PDE4D: variants seen among roughly 807,000 people sequenced by gnomAD.
The protein encoded by PDE4D is 3',5'-cyclic-AMP phosphodiesterase 4D.
A neutral mutation model predicts 87.4 loss-of-function variants in PDE4D; 24 were observed. The ratio of observed to expected loss-of-function variants is 0.27; its 90% CI spans 0.20 to 0.39. PDE4D has a LOEUF of 0.39. PDE4D is among the 10% of genes least tolerant of loss of function. The pLI is 1.00. For synonymous variants in PDE4D, 384 were observed against 383.2 expected (o/e 1.00, Z -0.02); for missense variants, 714 against 1,041.0 (o/e 0.69, Z 4.32).
chr5:59,028,539 A>G (rs80126479), intron 6 of PDE4D, among the ~76,000 whole-genome samples: 5,194 of 151,252 alleles, frequency 0.034, 280 homozygotes, highest in African/African-American at 0.12. Flanking sequence ...CACAGCAACT[A>G]TTTAACAGAT....
At chr5:60,466,426 A>G (rs1747359047) in intron 1 of PDE4D, among the ~76,000 whole-genome samples, 1 of 152,224 alleles carries the variant, frequency 6.6e-6, no homozygotes, top group Admixed American at 6.5e-5. Flanking sequence ...TTTCTTAGAG[A>G]TTGTACAACA....
intron 3 of PDE4D, among the ~76,000 whole-genome samples, chr5:59,916,795 T>C (rs1469952011): frequency 6.6e-6 from 1 of 151,858 alleles, no homozygotes; most frequent in Non-Finnish European, 1.5e-5. Context: ...ATTCCTTTTT[T>C]TTTTCTTTTT....
intron 1 of PDE4D, among the ~76,000 whole-genome samples, chr5:60,473,121 A>G (rs202057352): frequency 1.1e-4 from 6 of 52,704 alleles, no homozygotes; most frequent in East Asian, 3.5e-4. Context: ...GAGAGAGAGA[A>G]AGAAAGGAAG....
chr5:59,704,898 G>C (rs1479248129), intron 1 of PDE4D, among the ~76,000 whole-genome samples: 1 of 152,178 alleles, frequency 6.6e-6, no homozygotes, highest in Non-Finnish European at 1.5e-5. Context: ...AAATATGTGT[G>C]TGTTTCCATC....
chr5:59,100,576 T>G (rs1412298881), intron 5 of PDE4D, among the ~76,000 whole-genome samples: 1 of 152,164 alleles, frequency 6.6e-6, no homozygotes, highest in Non-Finnish European at 1.5e-5. Context: ...ACTCCACTCG[T>G]GTAGAAATTG....
intron 1 of PDE4D, among the ~76,000 whole-genome samples, chr5:59,594,171 A>G (rs1484676087): frequency 6.6e-6 from 1 of 151,080 alleles, no homozygotes; most frequent in East Asian, 1.9e-4. Flanking sequence ...CCTGAAAAAC[A>G]CTTAGGAGAT....
At chr5:59,574,139 T>A (rs953033827) in intron 1 of PDE4D, among the ~76,000 whole-genome samples, 54 of 3,464 alleles carry the variant, frequency 0.016, no homozygotes, top group African/African-American at 0.028. Flanking sequence ...TATATATATA[T>A]ATATAAATAT....
At chr5:59,139,777 G>A (rs952515239) in intron 5 of PDE4D, among the ~76,000 whole-genome samples, 1 of 151,870 alleles carries the variant, frequency 6.6e-6, no homozygotes, top group African/African-American at 2.4e-5. Context: ...ATTGCACCTG[G>A]ACTTAACTCC....
At chr5:59,688,885 G>T (rs12109310) in intron 1 of PDE4D, among the ~76,000 whole-genome samples, 3 of 152,024 alleles carry the variant, frequency 2.0e-5, no homozygotes, top group Non-Finnish European at 4.4e-5. Context: ...TGATAAAGGT[G>T]ATATCACCAC....
chr5:59,354,919 A>G (rs35276), intron 1 of PDE4D, among the ~76,000 whole-genome samples: 46,392 of 152,126 alleles, frequency 0.3, 7,898 homozygotes, highest in East Asian at 0.41. Context: ...CAGTGAAAGC[A>G]GCACATATAA....
At chr5:59,419,214 C>T (rs1327333467) in intron 1 of PDE4D, among the ~76,000 whole-genome samples, 3 of 152,212 alleles carry the variant, frequency 2.0e-5, no homozygotes, top group African/African-American at 2.4e-5. Flanking sequence ...GGTGTTTGGT[C>T]TAATGTACTC....
upstream of PDE4D, among the ~76,000 whole-genome samples, chr5:59,894,367 G>A (rs116091243): frequency 5.6e-3 from 853 of 152,330 alleles, 7 homozygotes; most frequent in African/African-American, 0.019. Flanking sequence ...AAAGTTGCCT[G>A]GAATATTGTC....
intron 6 of PDE4D, among the ~76,000 whole-genome samples, chr5:59,031,294 G>A (rs1225682399): frequency 6.8e-6 from 1 of 146,822 alleles, no homozygotes; most frequent in Non-Finnish European, 1.5e-5. Context: ...ATTCATTTCA[G>A]CTTTATTTAC....
chr5:59,135,630 G>A (rs528020898), intron 5 of PDE4D, among the ~76,000 whole-genome samples: 39 of 152,152 alleles, frequency 2.6e-4, no homozygotes, highest in Middle Eastern at 3.4e-3. Context: ...AATAATCCAC[G>A]TTCTATTTAT....
intron 1 of PDE4D, among the ~76,000 whole-genome samples, chr5:59,880,593 G>A (rs1257149827): frequency 1.3e-5 from 2 of 152,152 alleles, no homozygotes; most frequent in Admixed American, 1.3e-4. Context: ...CTTAAACCTA[G>A]CTAAGGAGAT....
In PDE4D at chr5:58,976,334, TCAAAC is replaced by T. The variant is rs1254866542; in HGVS notation, c.1830+11_1830+15del. On this transcript the variant is annotated intron_variant, in intron 13 of 14. Transcript: ENST00000340635. ...ACAGACACACACACACAGAGCAAACTCAAACAAGGCTTTACCTGAATCCTATCGGA... is the reference window on the plus strand; with the variant it reads ...ACAGACACACACACACAGAGCAAACTAAGGCTTTACCTGAATCCTATCGGA... The T allele has an allele frequency of 6.2e-7, 1 of 1,611,306 alleles. No individual in the cohort carries two copies. The highest frequency in any genetic ancestry group is 2.2e-5 in the East Asian group (1 of 44,752).
At chr5:60,110,774 A>G (rs1777593438) in intron 2 of PDE4D, among the ~76,000 whole-genome samples, 2 of 152,208 alleles carry the variant, frequency 1.3e-5, no homozygotes, top group East Asian at 3.9e-4. Flanking sequence ...ACAGACAAAT[A>G]GATAAAGAAA....
At chr5:60,336,062 A>T (rs1002678494) in intron 1 of PDE4D, among the ~76,000 whole-genome samples, 1 of 152,202 alleles carries the variant, frequency 6.6e-6, no homozygotes, top group Non-Finnish European at 1.5e-5. Context: ...AGAATGAAGA[A>T]TTCCAGACAC....
chr5:60,505,978 A>G (rs1203054642), intron 1 of PDE4D, among the ~76,000 whole-genome samples: 1 of 152,236 alleles, frequency 6.6e-6, no homozygotes, highest in Non-Finnish European at 1.5e-5. Flanking sequence ...AGCCAACACA[A>G]TTTGCATCTT....
Sources: gnomAD v4.1 joint callset for allele counts (sites outside exome capture counted in the v4.1 genomes callset) on GRCh38, gnomAD v4.1.1 for gene constraint, MANE v1.5 for transcripts, NCBI Gene and HGNC (gene_info 2026-07-23, HGNC 2026-07-21) for gene names.